Variants in RBPJ observed in about 807,000 individuals in gnomAD.
RBPJ encodes recombination signal binding protein for immunoglobulin kappa J region.
A neutral mutation model predicts 67.8 loss-of-function variants in RBPJ; 9 were observed. The ratio of observed to expected loss-of-function variants is 0.13; its 90% CI spans 0.08 to 0.23. The LOEUF is 0.23. Among genes scored for constraint, RBPJ ranks in the 10% least tolerant of loss-of-function variants. RBPJ has a pLI of 1.00. For missense variants in RBPJ, 305 were observed against 595.6 expected, an observed-to-expected ratio of 0.51 and a Z score of 5.08; for synonymous variants, 198 against 203.3, an observed-to-expected ratio of 0.97 and a Z score of 0.22.
In RBPJ at chr4:26,373,262, G is replaced by A. The variant is rs141442350; in HGVS notation, c.21-13091G>A. Among the ~76,000 whole-genome samples the A allele has an allele frequency of 2.5e-4, 38 of 152,098 alleles. No homozygotes were observed. In the East Asian group the frequency reaches 6.2e-3, roughly 25 times the overall value. On this transcript the variant is annotated intron_variant, in intron 1 of 10. Transcript: ENST00000355476. Reference sequence around the variant, plus strand: ...AGTTTATTGCATTATTTTTAAACTCGTGTAGAATATCTACAATGTCCTATT... The same window carrying A: ...AGTTTATTGCATTATTTTTAAACTCATGTAGAATATCTACAATGTCCTATT...
intron 1 of RBPJ, among the ~76,000 whole-genome samples, chr4:26,212,995 C>T (rs1577478139): frequency 6.6e-6 from 1 of 152,298 alleles, no homozygotes; most frequent in East Asian, 1.9e-4. Flanking sequence ...ATGGAAGCTC[C>T]TGCACTCAGG....
chr4:26,136,518 G>C, the RBPJ span, among the ~76,000 whole-genome samples: 2 of 152,208 alleles, frequency 1.3e-5, no homozygotes, highest in East Asian at 1.9e-4. Context: ...CAGAGGGAGA[G>C]GGAGGAAGAC....
chr4:26,311,716 A>G (rs892028076), intron 1 of RBPJ, among the ~76,000 whole-genome samples: 4 of 152,196 alleles, frequency 2.6e-5, no homozygotes, highest in African/African-American at 9.7e-5. Flanking sequence ...ACTATGTGCC[A>G]TTACTCCCTT....
At chr4:26,308,426 T>A (rs1372892021) in intron 1 of RBPJ, among the ~76,000 whole-genome samples, 2 of 152,236 alleles carry the variant, frequency 1.3e-5, no homozygotes, top group Non-Finnish European at 2.9e-5. Context: ...CTTAAGAGAC[T>A]TTTTTCTTGC....
the RBPJ span, among the ~76,000 whole-genome samples, chr4:26,117,032 C>A: frequency 3.2e-3 from 485 of 152,334 alleles, 3 homozygotes; most frequent in African/African-American, 0.011. Context: ...AAAGCCACAA[C>A]CATTCAGAGG....
chr4:26,367,329 A>C (rs1411934266), intron 1 of RBPJ, among the ~76,000 whole-genome samples: 1 of 151,462 alleles, frequency 6.6e-6, no homozygotes, highest in African/African-American at 2.4e-5. Flanking sequence ...TAGAAATCCA[A>C]AAATTAACCA....
At chr4:26,420,862 C>G in intron 5 of RBPJ, 137 bp downstream of exon 5, 1 of 686,972 alleles carries the variant, frequency 1.5e-6, no homozygotes, top group Non-Finnish European at 2.4e-6. Flanking sequence ...TATTGTCTCT[C>G]TTTTTTTAAT....
At chr4:26,131,925 C>A in the RBPJ span, among the ~76,000 whole-genome samples, 1 of 152,204 alleles carries the variant, frequency 6.6e-6, no homozygotes, top group Non-Finnish European at 1.5e-5. Context: ...AAGGCAATCC[C>A]CGAGGAAGTA....
intron 1 of RBPJ, among the ~76,000 whole-genome samples, chr4:26,294,349 G>A (rs1215030184): frequency 2.0e-5 from 3 of 150,454 alleles, no homozygotes; most frequent in Non-Finnish European, 3.0e-5. Context: ...CACCCGCCTT[G>A]GCCTCCCAAA....
chr4:26,429,817 T>C, intron 8 of RBPJ, 81 bp from the exon 9 acceptor site: 1 of 1,171,516 alleles, frequency 8.5e-7, no homozygotes. Context: ...AACTCTTGTC[T>C]GAGGGTTACT....
intron 1 of RBPJ, among the ~76,000 whole-genome samples, chr4:26,352,310 G>T (rs1443285274): frequency 6.6e-6 from 1 of 152,172 alleles, no homozygotes; most frequent in East Asian, 1.9e-4. Context: ...TCTACACATG[G>T]TGGAATAGGG....
At chr4:26,325,881 A>G (rs913811067) in intron 1 of RBPJ, among the ~76,000 whole-genome samples, 51 of 152,320 alleles carry the variant, frequency 3.3e-4, no homozygotes, top group African/African-American at 1.1e-3. Flanking sequence ...ACCAGACTAC[A>G]GTTGGTGCCT....
In RBPJ at chr4:26,424,042, G is replaced by A. The variant is rs1050964836; in HGVS notation, c.497-300G>A. Among the ~76,000 whole-genome samples, 1 of 151,990 alleles carries A rather than the reference G, an allele frequency of 6.6e-6. No individual in the cohort carries two copies. The highest frequency in any genetic ancestry group is 2.4e-5 in the African/African-American group (1 of 41,408). On this transcript the variant is annotated intron_variant, in intron 5 of 10. Coordinates refer to ENST00000355476, the MANE Select transcript of RBPJ (RefSeq NM_015874.6). The surrounding 1 kb of genome is among the most constrained non-coding windows in gnomAD (Gnocchi z 5.3). ...ATAGGTCATCATTTAAATTTCTACT[G>A]TCTAACATTATTTTAAAAGTAAGTT... is the stretch of plus-strand genomic sequence containing the variant.
chr4:26,332,383 G>T (rs948761515), intron 1 of RBPJ, among the ~76,000 whole-genome samples: 1 of 152,162 alleles, frequency 6.6e-6, no homozygotes. Context: ...GGTACCCTAA[G>T]TCCTGGAAAT....
intron 1 of RBPJ, among the ~76,000 whole-genome samples, chr4:26,235,811 A>G (rs1719434374): frequency 6.6e-6 from 1 of 152,230 alleles, no homozygotes; most frequent in African/African-American, 2.4e-5. Flanking sequence ...CTGGATCCTG[A>G]TGAGCTAATT....
intron 1 of RBPJ, among the ~76,000 whole-genome samples, chr4:26,284,328 T>C (rs1163274913): frequency 2.0e-5 from 3 of 152,216 alleles, no homozygotes; most frequent in Non-Finnish European, 2.9e-5. Context: ...CTCCCATAAT[T>C]GAGATTCTTC....
chr4:26,163,056 G>A (rs999506181), upstream of RBPJ, among the ~76,000 whole-genome samples: 1 of 152,162 alleles, frequency 6.6e-6, no homozygotes, highest in Non-Finnish European at 1.5e-5. Flanking sequence ...TCAGAGCTAG[G>A]AGATTGGGAA....
At chr4:26,136,629 A>T in the RBPJ span, among the ~76,000 whole-genome samples, 2 of 152,194 alleles carry the variant, frequency 1.3e-5, no homozygotes, top group African/African-American at 4.8e-5. Flanking sequence ...ACAACAATTT[A>T]GATTACTTAC....
intron 1 of RBPJ, among the ~76,000 whole-genome samples, chr4:26,334,047 CTT>C (rs1290572987): frequency 1.3e-4 from 18 of 142,494 alleles, no homozygotes; most frequent in Admixed American, 1.4e-4. Context: ...TCTGCCTTTT[CTT>C]TTTTTTTTTT....
Sources: allele counts gnomAD v4.1 joint callset (sites outside exome capture counted in the v4.1 genomes callset), GRCh38; gene constraint gnomAD v4.1.1; non-coding constraint Gnocchi (gnomAD v3.1); transcripts MANE v1.5; gene names NCBI Gene and HGNC (gene_info 2026-07-23, HGNC 2026-07-21).